INTS4: variants seen among roughly 807,000 people sequenced by gnomAD.
INTS4 encodes integrator complex subunit 4, also known as MSTP093.
Under a neutral mutation model 119.5 loss-of-function variants are expected in INTS4, and 70 were observed. The observed-to-expected ratio is 0.59, with a 90% CI of 0.48 to 0.71. The LOEUF (loss-of-function observed/expected upper bound fraction) is 0.71. Ranked by LOEUF, INTS4 falls within the 30% of genes least tolerant of loss-of-function variation. The pLI is 0.00. For synonymous variants in INTS4, 316 were observed against 419.6 expected, an observed-to-expected ratio of 0.75 and a Z score of 3.02; for missense variants, 867 against 1,173.2, an observed-to-expected ratio of 0.74 and a Z score of 3.81.
chr11:77,932,133 A>G (rs1355466294), intron 10 of INTS4, among the ~76,000 whole-genome samples: 11 of 152,254 alleles, frequency 7.2e-5, no homozygotes, highest in Non-Finnish European at 1.5e-4. Context: ...AAAAGAAACT[A>G]TCATCAGAGT....
At position 77,891,668 on chromosome 11, in the gene INTS4, A is replaced by C; in HGVS notation, c.2448+13T>G. The C allele has an allele frequency of 6.2e-7, 1 of 1,611,916 alleles. No individual in the cohort carries two copies. Among genetic ancestry groups the C allele is most frequent in the South Asian group, 1.1e-5 (1 of 90,974 alleles). On this transcript the variant is annotated intron_variant, in intron 20 of 22. Transcript: ENST00000534064. ...GGACAGATTTGGCCTACAGGGGCCA[A>C]ATAGACCCTGACCTGCTCTGGAAGC... is the stretch of plus-strand genomic sequence containing the variant.
chr11:77,991,250 T>C lies in INTS4; in HGVS notation c.104A>G (p.Lys35Arg). The change falls in exon 2 of 23, where the codon AAA becomes AGA. Residue 35 changes from lysine to arginine, a missense_variant. This residue lies in a region of INTS4 where 224 missense variants were observed against 231.8 expected (regional missense o/e 0.97). Coordinates refer to ENST00000534064, the MANE Select transcript of INTS4 (RefSeq NM_033547.4). ...CAGATCTATGTGGAGTGCTGCAGAT[T>C]TACTTGGTTTTGTTAGTCGGAGTTT... Reference protein sequence around the residue: ...TKKLRLTKPSKSAALHIDLCK... With the variant: ...TKKLRLTKPSRSAALHIDLCK... 1 of 1,613,982 alleles carries C rather than the reference T, an allele frequency of 6.2e-7. No homozygotes were observed. The highest frequency in any genetic ancestry group is 8.5e-7 in the Non-Finnish European group (1 of 1,179,858).
At chr11:77,899,438 G>A (rs867218100) in intron 18 of INTS4, among the ~76,000 whole-genome samples, 38 of 152,248 alleles carry the variant, frequency 2.5e-4, no homozygotes, top group African/African-American at 7.5e-4. Flanking sequence ...CTGGGAGGCC[G>A]AGTCGGGTGG....
chr11:77,912,224 T>G (rs1473881742), intron 15 of INTS4, among the ~76,000 whole-genome samples: 1 of 152,040 alleles, frequency 6.6e-6, no homozygotes, highest in Non-Finnish European at 1.5e-5. Context: ...TAGCCAGGTG[T>G]GGTGGAGTGC....
At position 77,961,009 on chromosome 11, in the gene INTS4, C is replaced by T; in HGVS notation, c.601G>A (p.Gly201Arg). The T allele has an allele frequency of 6.2e-7, 1 of 1,613,888 alleles. No homozygotes were observed. Among genetic ancestry groups the T allele is most frequent in the Non-Finnish European group, 8.5e-7 (1 of 1,179,908 alleles). Reference sequence around the variant, plus strand: ...GGGTCTTGGTCACTGAAGTAATCCCCTATAATCTTCTGGACATCTCTGGCA... The same window carrying T: ...GGGTCTTGGTCACTGAAGTAATCCCTTATAATCTTCTGGACATCTCTGGCA... ...LAARDVQKIIGDYFSDQDPRV... is the reference protein window; with the variant it reads ...LAARDVQKIIRDYFSDQDPRV... Residue 201 changes from glycine (G) to arginine (R), a missense_variant, in exon 5 of 23, where the codon GGG (glycine) becomes AGG (arginine). Gly to Arg is a moderately radical substitution (Grantham distance 125). Transcript: ENST00000534064.
intron 15 of INTS4, chr11:77,918,370 T>C: frequency 2.5e-6 from 1 of 392,624 alleles, no homozygotes; most frequent in African/African-American, 2.2e-5. Flanking sequence ...TGAGCTGATA[T>C]TATGCCACTG....
chr11:77,880,837 G>A (rs1951762963), intron 22 of INTS4, among the ~76,000 whole-genome samples: 1 of 152,088 alleles, frequency 6.6e-6, no homozygotes, highest in African/African-American at 2.4e-5. Flanking sequence ...TCAGTTACTA[G>A]GGGGACTGAG....
At chr11:77,882,685 G>A (rs2136356487) in intron 22 of INTS4, among the ~76,000 whole-genome samples, 1 of 152,214 alleles carries the variant, frequency 6.6e-6, no homozygotes. Context: ...ACTACACCAG[G>A]CCTACCACCA....
chr11:77,894,166 A>T, intron 19 of INTS4, 124 bp downstream of exon 19: 1 of 582,214 alleles, frequency 1.7e-6, no homozygotes, highest in Non-Finnish European at 3.1e-6. Flanking sequence ...ACATGGCCAC[A>T]GATGATAGCT....
At chr11:77,942,541 T>C (rs183376920) in intron 8 of INTS4, among the ~76,000 whole-genome samples, 1 of 152,330 alleles carries the variant, frequency 6.6e-6, no homozygotes, top group African/African-American at 2.4e-5. Flanking sequence ...TCCAATTTAT[T>C]CTTCCCAATA....
intron 21 of INTS4, among the ~76,000 whole-genome samples, chr11:77,884,540 C>T (rs1302611548): frequency 6.6e-6 from 1 of 152,152 alleles, no homozygotes; most frequent in Non-Finnish European, 1.5e-5. Context: ...CTGCAGCGCA[C>T]AAAGGAACTA....
At chr11:77,942,891 C>G (rs1038317335) in intron 8 of INTS4, among the ~76,000 whole-genome samples, 1 of 152,308 alleles carries the variant, frequency 6.6e-6, no homozygotes, top group South Asian at 2.1e-4. Context: ...AAGTTAACAC[C>G]TTTCCTATGA....
intron 16 of INTS4, among the ~76,000 whole-genome samples, chr11:77,904,221 C>CT (rs1221685261): frequency 6.6e-6 from 1 of 152,176 alleles, no homozygotes; most frequent in African/African-American, 2.4e-5. Flanking sequence ...GTGACAGCCT[C>CT]TTATTTTCTC....
chr11:77,949,299 A>C (rs1046417549), intron 8 of INTS4, among the ~76,000 whole-genome samples: 4 of 152,164 alleles, frequency 2.6e-5, no homozygotes, highest in Non-Finnish European at 4.4e-5. Flanking sequence ...CATTCAGGAC[A>C]TAGGCATGGG....
chr11:77,989,278 T>A (rs1856571701), intron 2 of INTS4, among the ~76,000 whole-genome samples: 1 of 151,750 alleles, frequency 6.6e-6, no homozygotes, highest in Non-Finnish European at 1.5e-5. Flanking sequence ...ACCCGAGGTC[T>A]GGAATTCGAG....
intron 2 of INTS4, chr11:77,987,694 C>T: frequency 4.5e-6 from 2 of 444,682 alleles, no homozygotes; most frequent in South Asian, 3.1e-5. Flanking sequence ...AGAGAGACTC[C>T]ATCTCTACAA....
At chr11:77,937,536 G>A (rs1367697789) in intron 10 of INTS4, among the ~76,000 whole-genome samples, 2 of 152,152 alleles carry the variant, frequency 1.3e-5, no homozygotes, top group Non-Finnish European at 1.5e-5. Context: ...TTGAGCCCAG[G>A]AGTTAAAGAC....
At chr11:77,980,617 G>A (rs1730153330) in intron 3 of INTS4, among the ~76,000 whole-genome samples, 1 of 152,128 alleles carries the variant, frequency 6.6e-6, no homozygotes, top group Non-Finnish European at 1.5e-5. Flanking sequence ...GGGCTCAAGG[G>A]ATCCTCCCAC....
At chr11:77,892,788 T>G (rs1169977093) in intron 19 of INTS4, among the ~76,000 whole-genome samples, 1 of 152,180 alleles carries the variant, frequency 6.6e-6, no homozygotes, top group African/African-American at 2.4e-5. Flanking sequence ...TGTCACTATA[T>G]TGGCCAGGCT....
Sources: gnomAD v4.1 joint callset for allele counts (sites outside exome capture counted in the v4.1 genomes callset) on GRCh38, gnomAD v4.1.1 for gene constraint, gnomAD v4.1.1 regional missense constraint, MANE v1.5 for transcripts, NCBI Gene and HGNC (gene_info 2026-07-23, HGNC 2026-07-21) for gene names.